RASGRF2: variants seen among roughly 807,000 people sequenced by gnomAD.
The protein encoded by RASGRF2 is ras-specific guanine nucleotide-releasing factor 2.
RASGRF2 carries 76 observed loss-of-function variants against 151.0 expected under a neutral mutation model. That is an observed-to-expected ratio of 0.50 (90% CI 0.42 to 0.61). RASGRF2 has a LOEUF of 0.61. RASGRF2 is among the 20% of genes least tolerant of loss of function. RASGRF2 has a pLI of 0.00. For synonymous variants in RASGRF2, 504 were observed against 566.5 expected, an observed-to-expected ratio of 0.89 and a Z score of 1.57; for missense variants, 1,148 against 1,564.6, an observed-to-expected ratio of 0.73 and a Z score of 4.49.
chr5:81,124,051 A>T (rs1277785675), intron 16 of RASGRF2, among the ~76,000 whole-genome samples: 2 of 152,160 alleles, frequency 1.3e-5, no homozygotes, highest in African/African-American at 4.8e-5. Context: ...TATTCCCTAA[A>T]CATTATAGTA....
At chr5:81,144,185 A>G (rs888020999) in intron 17 of RASGRF2, among the ~76,000 whole-genome samples, 1 of 152,232 alleles carries the variant, frequency 6.6e-6, no homozygotes, top group Non-Finnish European at 1.5e-5. Context: ...AGTTAAAAAA[A>G]TTTTCAAACT....
At chr5:81,220,606 T>C (rs1317944169) in intron 26 of RASGRF2, among the ~76,000 whole-genome samples, 1 of 152,156 alleles carries the variant, frequency 6.6e-6, no homozygotes, top group Non-Finnish European at 1.5e-5. Context: ...TGCCTCAGCC[T>C]CCTGAGTAGC....
chr5:80,973,764 G>A lies in RASGRF2; in HGVS notation c.288+12738G>A, dbSNP rs188127798. Reference sequence around the variant, plus strand: ...GCCAAGAAGTGATGATCCCTTTTTGGGGATAGTACATTCAATGATCAAAGT... The same window carrying A: ...GCCAAGAAGTGATGATCCCTTTTTGAGGATAGTACATTCAATGATCAAAGT... On this transcript the variant is annotated intron_variant, in intron 1 of 26. Coordinates refer to ENST00000265080, the MANE Select transcript of RASGRF2 (RefSeq NM_006909.3). Among the ~76,000 whole-genome samples the A allele has an allele frequency of 2.6e-5, 4 of 152,224 alleles. No individual in the cohort carries two copies. In the East Asian group the frequency reaches 7.7e-4, roughly 29 times the overall value.
rs577239486 is a variant in RASGRF2, at chr5:81,166,307, C to A, written c.2687-13868C>A. ...GTTCAAGCAATTCTCCTGCCTCAGACTCCCAAGTAGCTGGAATTTACAGGC... is the reference window on the plus strand; with the variant it reads ...GTTCAAGCAATTCTCCTGCCTCAGAATCCCAAGTAGCTGGAATTTACAGGC... On this transcript the variant is annotated intron_variant, in intron 17 of 26. Coordinates refer to ENST00000265080, the MANE Select transcript of RASGRF2 (RefSeq NM_006909.3). 3.3e-5 allele frequency among the ~76,000 whole-genome samples: 5 copies of A among 152,216 alleles called. No homozygotes were observed. In the South Asian group the frequency reaches 1.0e-3, roughly 32 times the overall value.
chr5:81,028,827 G>A (rs1750131832), intron 1 of RASGRF2, among the ~76,000 whole-genome samples: 1 of 152,206 alleles, frequency 6.6e-6, no homozygotes. Context: ...AGCCCATGGA[G>A]CATGAGCAGA....
chr5:81,051,504 T>C lies in RASGRF2; in HGVS notation c.395+8521T>C, dbSNP rs528330568. On this transcript the variant is annotated intron_variant, in intron 2 of 26. Coordinates refer to ENST00000265080, the MANE Select transcript of RASGRF2 (RefSeq NM_006909.3). ...CTCTCAATTCCCCACTTCCCCTAGC[T>C]CTAGCCAACCACTAATCTCCTTTCT... Among the ~76,000 whole-genome samples, 4 of 152,298 alleles carry C rather than the reference T, an allele frequency of 2.6e-5. No homozygotes were observed. The East Asian group carries it at 7.7e-4, about 29-fold the overall frequency.
chr5:81,199,512 T>C (rs962644090), intron 18 of RASGRF2, among the ~76,000 whole-genome samples: 2 of 152,194 alleles, frequency 1.3e-5, no homozygotes, highest in Admixed American at 1.3e-4. Context: ...ACACTGTTAA[T>C]TCTGTTCTCT....
intron 2 of RASGRF2, among the ~76,000 whole-genome samples, chr5:81,060,148 T>A (rs55802238): frequency 0.18 from 27,671 of 152,110 alleles, 2,655 homozygotes; most frequent in Admixed American, 0.27. Context: ...GTCCCCATGA[T>A]CCACACATGA....
At chr5:81,207,570 A>T (rs1415532661) in intron 21 of RASGRF2, among the ~76,000 whole-genome samples, 1 of 152,222 alleles carries the variant, frequency 6.6e-6, no homozygotes, top group African/African-American at 2.4e-5. Context: ...CTGCCCAGGG[A>T]CTTAGTCAAC....
At chr5:81,039,182 A>G (rs923853153) in intron 1 of RASGRF2, among the ~76,000 whole-genome samples, 1 of 152,174 alleles carries the variant, frequency 6.6e-6, no homozygotes, top group African/African-American at 2.4e-5. Context: ...GCCTATTCAT[A>G]TGGTAAGTTA....
Position 81,121,241 on chromosome 5 carries a change from G to A in RASGRF2, c.2471-2401G>A, listed in dbSNP as rs150576933. Among the ~76,000 whole-genome samples the A allele has an allele frequency of 2.7e-3, 414 of 152,280 alleles. 1 individual carries two copies. The highest frequency in any genetic ancestry group is 3.3e-3 in the Non-Finnish European group (226 of 68,030). On this transcript the variant is annotated intron_variant, in intron 15 of 26. Coordinates refer to ENST00000265080, the MANE Select transcript of RASGRF2 (RefSeq NM_006909.3). ...AAGATGTTTGCGTGTATCACATAAT[G>A]TTAACACTTAAAACAGTTGGCAAAC...
At chr5:81,170,524 C>T (rs1159324177) in intron 17 of RASGRF2, among the ~76,000 whole-genome samples, 2 of 152,198 alleles carry the variant, frequency 1.3e-5, no homozygotes, top group Non-Finnish European at 2.9e-5. Flanking sequence ...CTTCCCATCC[C>T]TCCATCAAGC....
In RASGRF2 at chr5:81,215,614, G is replaced by A. The variant is rs139301041; in HGVS notation, c.3355-262G>A. 9.2e-3 allele frequency among the ~76,000 whole-genome samples: 1,394 copies of A among 152,242 alleles called. 8 individuals are homozygous for A. Among genetic ancestry groups the A allele is most frequent in the African/African-American group, 0.016 (684 of 41,546 alleles). ...GTGCCTAAGTTTTCTATCCGTTGCAGTGTTTCTTTCCACACATTTTTGCTC... is the reference window on the plus strand; with the variant it reads ...GTGCCTAAGTTTTCTATCCGTTGCAATGTTTCTTTCCACACATTTTTGCTC... On this transcript the variant is annotated intron_variant, in intron 23 of 26. Coordinates refer to ENST00000265080, the MANE Select transcript of RASGRF2 (RefSeq NM_006909.3).
chr5:81,183,152 C>T (rs1754955375), intron 18 of RASGRF2: 5 of 976,862 alleles, frequency 5.1e-6, no homozygotes, highest in Non-Finnish European at 6.1e-6. Flanking sequence ...GTAACAGTTA[C>T]ATTTTTTCTC....
intron 9 of RASGRF2, among the ~76,000 whole-genome samples, chr5:81,091,219 A>G (rs1008011524): frequency 2.0e-5 from 3 of 152,270 alleles, no homozygotes; most frequent in Non-Finnish European, 2.9e-5. Flanking sequence ...CCTGAGCCCT[A>G]TGAGCCCATC....
intron 1 of RASGRF2, among the ~76,000 whole-genome samples, chr5:81,039,338 A>C (rs1390388393): frequency 1.3e-5 from 2 of 152,186 alleles, no homozygotes; most frequent in Non-Finnish European, 2.9e-5. Context: ...GATAGAAGAG[A>C]CATAATAAGT....
Position 81,229,403 on chromosome 5 carries a change from A to G in RASGRF2, c.*3633A>G, listed in dbSNP as rs1217879523. ...TAAGTTTAATGGCTCCATTATAGAT[A>G]CCACCGTGTAATAGAAGACTTAAGT... is the stretch of plus-strand genomic sequence containing the variant. On this transcript the variant is annotated 3_prime_UTR_variant, in exon 27 of 27. Coordinates refer to ENST00000265080, the MANE Select transcript of RASGRF2 (RefSeq NM_006909.3). 1 of 152,220 alleles carries G rather than the reference A, an allele frequency of 6.6e-6. No homozygotes were observed. The highest frequency in any genetic ancestry group is 1.5e-5 in the Non-Finnish European group (1 of 68,044). 9.4% of individuals were successfully genotyped at this position (152,220 alleles called of 1,614,324 possible).
At chr5:81,109,285 T>C (rs1487292965) in intron 13 of RASGRF2, among the ~76,000 whole-genome samples, 2 of 152,198 alleles carry the variant, frequency 1.3e-5, no homozygotes, top group African/African-American at 4.8e-5. Context: ...ACTCATAGCA[T>C]AGAAAAATTG....
intron 1 of RASGRF2, among the ~76,000 whole-genome samples, chr5:80,989,651 G>A (rs1282291235): frequency 6.6e-6 from 1 of 152,188 alleles, no homozygotes; most frequent in Non-Finnish European, 1.5e-5. Context: ...ATGAGATCTG[G>A]AAGATGGAGA....
Sources: allele counts gnomAD v4.1 joint callset (sites outside exome capture counted in the v4.1 genomes callset), GRCh38; gene constraint gnomAD v4.1.1; transcripts MANE v1.5; gene names NCBI Gene and HGNC (gene_info 2026-07-23, HGNC 2026-07-21).